The following CPLANE1 variants were observed in gnomAD, a reference collection of about 807,000 sequenced individuals.
CPLANE1 encodes ciliogenesis and planar polarity effector complex subunit 1, also known as ciliogenesis and planar polarity effector 1.
In CPLANE1, 263 loss-of-function variants were observed where a neutral mutation model predicts 362.5. The observed-to-expected ratio is 0.73, with a 90% CI of 0.66 to 0.80. The LOEUF (loss-of-function observed/expected upper bound fraction) is 0.80, where lower values mean the gene tolerates loss of function less well. Ranked by LOEUF, CPLANE1 falls within the 30% of genes least tolerant of loss-of-function variation. The pLI is 0.00. For missense variants in CPLANE1, 3,461 were observed against 3,793.4 expected (o/e 0.91, Z 2.30); for synonymous variants, 1,212 against 1,302.6 (o/e 0.93, Z 1.50).
intron 41 of CPLANE1, among the ~76,000 whole-genome samples, chr5:37,155,326 G>A (rs762577373): frequency 5.9e-5 from 9 of 152,020 alleles, no homozygotes; most frequent in South Asian, 2.1e-4. Flanking sequence ...TTCTTTAAAC[G>A]AACAAACAAA....
Position 37,183,412 on chromosome 5 carries a change from T to C in CPLANE1, c.4769A>G (p.Asn1590Ser). Residue 1590 changes from asparagine (N) to serine (S), a missense_variant, in exon 26 of 53, where the codon AAT (asparagine) becomes AGT (serine). Coordinates refer to ENST00000651892, the MANE Select transcript of CPLANE1 (RefSeq NM_001384732.1). ...FSGKLREHEL[N>S]SLLFDVHTTL... is the part of the protein sequence containing the mutation. ...TGTATGTACATCAAAAAGTAAAGAATTAAGTTCATGTTCTCTAAGCTTTCC... is the reference window on the plus strand; with the variant it reads ...TGTATGTACATCAAAAAGTAAAGAACTAAGTTCATGTTCTCTAAGCTTTCC... 3.7e-6 allele frequency: 6 copies of C among 1,613,594 alleles called. No homozygotes were observed. The highest frequency in any genetic ancestry group is 5.1e-6 in the Non-Finnish European group (6 of 1,179,774).
rs2150139829 is a variant in CPLANE1 at position 37,125,328 on chromosome 5, T to C, written c.8874A>G (p.Arg2958=). ...TTAAGTACTTTGCCATTCTTTCTTTTCGTTTTCTTTTCATCCAGGCTTGAA... is the reference window on the plus strand; with the variant it reads ...TTAAGTACTTTGCCATTCTTTCTTTCCGTTTTCTTTTCATCCAGGCTTGAA... ...REIQAWMKRK[R]KERMAKYLNE... The change falls in exon 47 of 53, where the codon CGA becomes CGG. Residue 2958 remains arginine (R), a synonymous_variant. Coordinates refer to ENST00000651892, the MANE Select transcript of CPLANE1 (RefSeq NM_001384732.1). The C allele has an allele frequency of 6.2e-7, 1 of 1,614,050 alleles. No individual in the cohort carries two copies. Among genetic ancestry groups the C allele is most frequent in the Non-Finnish European group, 8.5e-7 (1 of 1,179,964 alleles).
rs1473646767 is a variant in CPLANE1, at chr5:37,245,717, G to A, written c.210C>T (p.Ser70=). ...ATATCAGTACTACTTAACCATTACT[G>A]GATGTTGTTAGGACAATAACATCCT... ...FLKDVIVLTT[S]SNDAWLAGVL... The change falls in exon 3 of 53, where the codon TCC becomes TCT. Residue 70 remains serine, a synonymous_variant. Coordinates refer to ENST00000651892, the MANE Select transcript of CPLANE1 (RefSeq NM_001384732.1). 26 of 1,512,434 alleles carry A rather than the reference G, an allele frequency of 1.7e-5. No homozygotes were observed. Among genetic ancestry groups the A allele is most frequent in the Non-Finnish European group, 2.3e-5 (26 of 1,132,682 alleles). The allele number at this position is 1,512,434 out of a possible 1,614,324, so 93.7% of individuals were successfully genotyped here.
At chr5:37,243,832 C>T (rs1042039046) in intron 5 of CPLANE1, among the ~76,000 whole-genome samples, 17 of 144,754 alleles carry the variant, frequency 1.2e-4, no homozygotes, top group African/African-American at 3.6e-4. Flanking sequence ...ATATTATATA[C>T]GTGTATATAT....
intron 15 of CPLANE1, among the ~76,000 whole-genome samples, chr5:37,218,801 A>C (rs968168830): frequency 6.6e-6 from 1 of 151,944 alleles, no homozygotes; most frequent in African/African-American, 2.4e-5. Flanking sequence ...TACAAAAATT[A>C]GCTAGGCATG....
intron 46 of CPLANE1, among the ~76,000 whole-genome samples, chr5:37,127,100 T>C (rs149866111): frequency 8.5e-5 from 13 of 152,266 alleles, no homozygotes; most frequent in African/African-American, 2.9e-4. Context: ...AGGAATTAAG[T>C]GCATTCTGTG....
chr5:37,172,388 G>C (rs951515358), intron 32 of CPLANE1, among the ~76,000 whole-genome samples: 1 of 152,260 alleles, frequency 6.6e-6, no homozygotes, highest in South Asian at 2.1e-4. Context: ...CACTGGGTAG[G>C]GGTTGTGAAA....
chr5:37,109,574 G>A (rs576461144), intron 51 of CPLANE1, among the ~76,000 whole-genome samples: 52 of 152,238 alleles, frequency 3.4e-4, no homozygotes, highest in African/African-American at 1.2e-3. Flanking sequence ...ATAAACATCT[G>A]AACTTTAACA....
intron 15 of CPLANE1, among the ~76,000 whole-genome samples, chr5:37,216,966 G>T (rs968773238): frequency 1.3e-5 from 2 of 151,976 alleles, no homozygotes; most frequent in Admixed American, 1.3e-4. Context: ...TGTTAATAAA[G>T]AAAATAATGT....
chr5:37,121,702 G>A lies in CPLANE1; in HGVS notation c.9100C>T (p.Leu3034=), dbSNP rs1034379733. The change falls in exon 49 of 53, where the codon CTA becomes TTA. Residue 3034 remains leucine (L), a synonymous_variant. Transcript: ENST00000651892. The part of the protein sequence containing the change: ...MNELLSESVQ[L]PTLPQKPLPN... ...AATGGTTTCTGTGGTAGAGTTGGTA[G>A]CTGTACTGACTCAGATAACAGTTCA... 43 of 1,613,338 alleles carry A rather than the reference G, an allele frequency of 2.7e-5. No homozygotes were observed. The highest frequency in any genetic ancestry group is 3.6e-5 in the Non-Finnish European group (42 of 1,179,366).
rs1790719915 is a variant in CPLANE1 at position 37,206,302 on chromosome 5, A to C, written c.3044T>G (p.Val1015Gly). ...ALELLFIGGL[V>G]PEAVWLAYKL... ...ATATGCCAACCACACAGCCTCTGGA[A>C]CCAGGCCACCAATAAATAGTAATTC... Residue 1015 changes from valine to glycine, a missense_variant, in exon 17 of 53, where the codon GTT becomes GGT. Transcript: ENST00000651892. 1 of 1,551,744 alleles carries C rather than the reference A, an allele frequency of 6.4e-7. No individual in the cohort carries two copies. The highest frequency in any genetic ancestry group is 8.7e-7 in the Non-Finnish European group (1 of 1,146,972).
At chr5:37,208,806 G>A (rs919761906) in intron 16 of CPLANE1, among the ~76,000 whole-genome samples, 1 of 150,276 alleles carries the variant, frequency 6.7e-6, no homozygotes, top group Non-Finnish European at 1.5e-5. Flanking sequence ...CTCCATAACA[G>A]TTATAACCAT....
chr5:37,180,307 G>T, intron 27 of CPLANE1, 124 bp from the exon 28 acceptor site: 2 of 430,590 alleles, frequency 4.6e-6, no homozygotes, highest in Non-Finnish European at 7.9e-6. Flanking sequence ...GTGCAATGGC[G>T]CAATCTCGGC....
At chr5:37,242,593 G>C (rs1800798151) in intron 6 of CPLANE1, among the ~76,000 whole-genome samples, 1 of 152,008 alleles carries the variant, frequency 6.6e-6, no homozygotes, top group Admixed American at 6.6e-5. Flanking sequence ...GACAAAACAA[G>C]ATAAACTTTC....
intron 46 of CPLANE1, among the ~76,000 whole-genome samples, chr5:37,127,883 T>C (rs1036960605): frequency 9.9e-5 from 15 of 152,018 alleles, no homozygotes; most frequent in African/African-American, 3.4e-4. Flanking sequence ...CTACCAAAAC[T>C]ATAAAAATTA....
chr5:37,245,360 C>G (rs1304760411), intron 4 of CPLANE1, 119 bp downstream of exon 4: 2 of 178,266 alleles, frequency 1.1e-5, no homozygotes, highest in Non-Finnish European at 2.1e-5. Flanking sequence ...TACACACACT[C>G]AGATATACAT....
intron 46 of CPLANE1, among the ~76,000 whole-genome samples, chr5:37,125,840 A>T (rs1763984126): frequency 6.6e-6 from 1 of 152,174 alleles, no homozygotes; most frequent in Admixed American, 6.5e-5. Flanking sequence ...AGATATTTTG[A>T]TACAGGTATG....
chr5:37,085,020 C>T, the CPLANE1 span: 16 of 624,616 alleles, frequency 2.6e-5, no homozygotes, highest in African/African-American at 1.8e-4. Flanking sequence ...TTACACACAC[C>T]GGAAGAGAGG....
chr5:37,127,753 T>C (rs1764615132), intron 46 of CPLANE1, among the ~76,000 whole-genome samples: 1 of 152,088 alleles, frequency 6.6e-6, no homozygotes. Flanking sequence ...TGACCTCAGG[T>C]GATCCGCCCA....
Sources: gnomAD v4.1 joint callset for allele counts (sites outside exome capture counted in the v4.1 genomes callset) on GRCh38, gnomAD v4.1.1 for gene constraint, MANE v1.5 for transcripts, NCBI Gene and HGNC (gene_info 2026-07-23, HGNC 2026-07-21) for gene names.